ZNF469: variants seen among roughly 807,000 people sequenced by gnomAD.
The protein encoded by ZNF469 is zinc finger protein 469.
In ZNF469, 1 loss-of-function variant was observed where a neutral mutation model predicts 1.0. The ratio of observed to expected loss-of-function variants is 1.00; its 90% CI spans 0.35 to 4.73. The LOEUF is 4.73. Ranked by LOEUF, ZNF469 falls within the 30% of genes most tolerant of loss-of-function variation. The pLI, the probability that ZNF469 is intolerant of heterozygous loss-of-function variation, is 0.16. For missense variants in ZNF469, 6,100 were observed against 5,356.3 expected, an observed-to-expected ratio of 1.14 and a Z score of -4.33; for synonymous variants, 2,703 against 2,363.4, an observed-to-expected ratio of 1.14 and a Z score of -4.17.
chr16:88,206,366 T>C, the ZNF469 span, among the ~76,000 whole-genome samples: 1 of 152,164 alleles, frequency 6.6e-6, no homozygotes, highest in African/African-American at 2.4e-5. Context: ...GGCGCCTCCC[T>C]TGGGACTTCC....
the ZNF469 span, among the ~76,000 whole-genome samples, chr16:88,157,768 G>A: frequency 6.6e-6 from 1 of 152,104 alleles, no homozygotes; most frequent in Non-Finnish European, 1.5e-5. Context: ...CTGGGTCCAG[G>A]GCTCCAGGTG....
Position 88,431,997 on chromosome 16 carries a change from G to A in ZNF469, c.4527G>A (p.Pro1509=), listed in dbSNP as rs368668712. 3.7e-5 allele frequency: 57 copies of A among 1,549,602 alleles called. 1 individual carries two copies. Among genetic ancestry groups the A allele is most frequent in the South Asian group, 7.1e-5 (6 of 84,042 alleles). ...PSFLLLEEVS[P]MLPSHFPDLS... is the part of the protein sequence containing the mutation. ...TTTTGCTGCTTGAGGAAGTATCCCCGATGCTGCCTAGCCATTTTCCTGATC... is the reference window on the plus strand; with the variant it reads ...TTTTGCTGCTTGAGGAAGTATCCCCAATGCTGCCTAGCCATTTTCCTGATC... Residue 1509 remains proline, a synonymous_variant, in exon 3 of 3, where the codon CCG becomes CCA. Transcript: ENST00000565624.
Position 88,430,702 on chromosome 16 carries a change from G to A in ZNF469, c.3232G>A (p.Gly1078Arg). The A allele has an allele frequency of 6.8e-7, 1 of 1,480,756 alleles. No individual in the cohort carries two copies. The highest frequency in any genetic ancestry group is 1.3e-5 in the South Asian group (1 of 75,962). 91.7% of individuals were successfully genotyped at this position (1,480,756 alleles called of 1,614,324 possible). Reference protein sequence around the residue: ...RAGRCGSLAAGRPRPGAEDRR... With the variant: ...RAGRCGSLAARRPRPGAEDRR... ...GGGCAGGTGCGGCTCCCTGGCGGCG[G>A]GGAGGCCCCGGCCCGGAGCTGAGGA... The change falls in exon 3 of 3, where the codon GGG (glycine) becomes AGG (arginine). Residue 1078 changes from glycine (G) to arginine (R), a missense_variant. By Grantham distance (125) the Gly-to-Arg change is moderately radical. Coordinates refer to ENST00000565624, the MANE Select transcript of ZNF469 (RefSeq NM_001367624.2).
the ZNF469 span, among the ~76,000 whole-genome samples, chr16:88,147,569 G>T: frequency 2.0e-5 from 3 of 152,042 alleles, no homozygotes; most frequent in Non-Finnish European, 4.4e-5. Flanking sequence ...TCACTCTCAG[G>T]GAGGGGCCTG....
chr16:88,381,319 C>T (rs892991436), upstream of ZNF469, among the ~76,000 whole-genome samples: 1 of 150,792 alleles, frequency 6.6e-6, no homozygotes, highest in East Asian at 1.9e-4. Context: ...TGCACTCACA[C>T]ACAGAGACAT....
At chr16:88,229,435 G>A in the ZNF469 span, among the ~76,000 whole-genome samples, 133 of 152,342 alleles carry the variant, frequency 8.7e-4, no homozygotes, top group Non-Finnish European at 1.6e-3. Context: ...GAGGTTGGAG[G>A]CAGCTTGTTT....
chr16:88,136,667 G>T, the ZNF469 span, among the ~76,000 whole-genome samples: 1 of 152,378 alleles, frequency 6.6e-6, no homozygotes, highest in African/African-American at 2.4e-5. Context: ...CTGAACGATG[G>T]ACGTCTGATG....
chr16:88,389,971 G>A (rs1046183075), intron 1 of ZNF469, among the ~76,000 whole-genome samples: 1 of 152,206 alleles, frequency 6.6e-6, no homozygotes, highest in African/African-American at 2.4e-5. Flanking sequence ...AGGTGGGGTC[G>A]GCCTGCGGAG....
At chr16:88,358,148 G>C in the ZNF469 span, among the ~76,000 whole-genome samples, 1 of 152,220 alleles carries the variant, frequency 6.6e-6, no homozygotes, top group Non-Finnish European at 1.5e-5. Context: ...CAGCCGGCTT[G>C]CACTGCAGCG....
intron 1 of ZNF469, among the ~76,000 whole-genome samples, chr16:88,404,300 C>T (rs548818210): frequency 5.4e-4 from 82 of 152,330 alleles, no homozygotes; most frequent in Middle Eastern, 3.4e-3. Flanking sequence ...CAGGTCATTT[C>T]GCCTGTAAGG....
the ZNF469 span, among the ~76,000 whole-genome samples, chr16:88,160,292 A>G: frequency 1.2e-4 from 18 of 152,328 alleles, no homozygotes; most frequent in African/African-American, 4.3e-4. Flanking sequence ...TTATCTCTCT[A>G]GAATGTAACA....
At chr16:88,356,828 A>G in the ZNF469 span, among the ~76,000 whole-genome samples, 2 of 152,236 alleles carry the variant, frequency 1.3e-5, no homozygotes, top group Non-Finnish European at 2.9e-5. Flanking sequence ...GAGCCGCATC[A>G]GTTCCTGGAG....
chr16:88,181,293 A>C, the ZNF469 span, among the ~76,000 whole-genome samples: 4 of 152,074 alleles, frequency 2.6e-5, no homozygotes, highest in Admixed American at 6.5e-5. Flanking sequence ...GATGGTGTTG[A>C]TCTCCTGACC....
upstream of ZNF469, among the ~76,000 whole-genome samples, chr16:88,378,249 G>A (rs867588014): frequency 3.3e-5 from 5 of 152,196 alleles, no homozygotes; most frequent in Middle Eastern, 3.2e-3. Flanking sequence ...GCAGGGAGCA[G>A]GGGGCACCGG....
At chr16:88,289,419 T>G in the ZNF469 span, among the ~76,000 whole-genome samples, 48 of 145,306 alleles carry the variant, frequency 3.3e-4, no homozygotes, top group African/African-American at 7.2e-4. Flanking sequence ...TGATGATGAT[T>G]ATTATGACAA....
the ZNF469 span, among the ~76,000 whole-genome samples, chr16:88,306,469 C>T: frequency 2.0e-5 from 3 of 152,128 alleles, no homozygotes; most frequent in Non-Finnish European, 4.4e-5. Context: ...CTGGGAGGCT[C>T]GGGGAGGCTG....
chr16:88,358,420 A>C, the ZNF469 span, among the ~76,000 whole-genome samples: 16 of 152,224 alleles, frequency 1.1e-4, no homozygotes, highest in Admixed American at 2.0e-4. Context: ...TATGTACAGA[A>C]AACCACACAA....
chr16:88,357,481 C>T, the ZNF469 span, among the ~76,000 whole-genome samples: 1 of 152,188 alleles, frequency 6.6e-6, no homozygotes, highest in Non-Finnish European at 1.5e-5. Flanking sequence ...GGAGGCCACT[C>T]CCCCTCCCTG....
chr16:88,406,601 G>A (rs551165654), intron 1 of ZNF469, among the ~76,000 whole-genome samples: 2 of 152,304 alleles, frequency 1.3e-5, no homozygotes, highest in East Asian at 3.9e-4. Flanking sequence ...GACGCAGAGG[G>A]TTCAACAGGG....
Sources: gnomAD v4.1 joint callset for allele counts (sites outside exome capture counted in the v4.1 genomes callset) on GRCh38, gnomAD v4.1.1 for gene constraint, MANE v1.5 for transcripts, NCBI Gene and HGNC (gene_info 2026-07-23, HGNC 2026-07-21) for gene names.